Variants in ADAMTS18 observed in about 807,000 individuals in gnomAD.
ADAMTS18 encodes the protein ADAM metallopeptidase with thrombospondin type 1 motif 18.
ADAMTS18 carries 157 observed loss-of-function variants against 165.9 expected under a neutral mutation model. That is an observed-to-expected ratio of 0.95 (90% confidence interval 0.83 to 1.08). ADAMTS18 has a LOEUF of 1.08. ADAMTS18 is among the 50% of genes least tolerant of loss of function. ADAMTS18 has a pLI of 0.00. For missense variants in ADAMTS18, 2,040 were observed against 1,534.0 expected, an observed-to-expected ratio of 1.33 and a Z score of -5.51; for synonymous variants, 782 against 578.2, an observed-to-expected ratio of 1.35 and a Z score of -5.06.
At chr16:77,398,992 T>C (rs536853690) in intron 3 of ADAMTS18, among the ~76,000 whole-genome samples, 1 of 152,316 alleles carries the variant, frequency 6.6e-6, no homozygotes, top group Admixed American at 6.5e-5. Flanking sequence ...AGAACTGACA[T>C]GATCCTGTTC....
At chr16:77,411,733 C>G (rs960932531) in intron 3 of ADAMTS18, among the ~76,000 whole-genome samples, 1 of 123,194 alleles carries the variant, frequency 8.1e-6, no homozygotes, top group African/African-American at 3.1e-5. Context: ...GTCACCTGGG[C>G]TGGAGTGCAG....
At chr16:77,384,854 T>C (rs1201862257) in intron 3 of ADAMTS18, among the ~76,000 whole-genome samples, 2 of 152,102 alleles carry the variant, frequency 1.3e-5, no homozygotes, top group African/African-American at 4.8e-5. Context: ...ACATTTCATA[T>C]ATAGTTATCA....
intron 3 of ADAMTS18, among the ~76,000 whole-genome samples, chr16:77,409,805 G>A (rs2057437771): frequency 6.6e-6 from 1 of 151,940 alleles, no homozygotes; most frequent in Admixed American, 6.6e-5. Flanking sequence ...AATCTTTCTT[G>A]TGCTTTTGGA....
At chr16:77,298,829 G>A (rs1458473118) in intron 17 of ADAMTS18, among the ~76,000 whole-genome samples, 1 of 152,176 alleles carries the variant, frequency 6.6e-6, no homozygotes, top group Non-Finnish European at 1.5e-5. Context: ...AACATTCCTT[G>A]AAGTTAACCG....
At chr16:77,382,650 C>T (rs2057048721) in intron 3 of ADAMTS18, among the ~76,000 whole-genome samples, 1 of 152,224 alleles carries the variant, frequency 6.6e-6, no homozygotes, top group Admixed American at 6.5e-5. Flanking sequence ...TTCCTCCATG[C>T]TTATGAATGT....
In ADAMTS18 at chr16:77,293,125, C is replaced by T. The variant is rs139644893; in HGVS notation, c.3140G>A (p.Arg1047Gln). The stretch of plus-strand genomic sequence containing the variant: ...CTGTAGCCGGCTGTTCTTGGGGCAT[C>T]GTCCAAGCACACAGCCCTCCTGCAG... ...PELQEGCVLGRCPKNSRLQWV... is the reference protein window; with the variant it reads ...PELQEGCVLGQCPKNSRLQWV... The change falls in exon 20 of 23, where the codon CGA becomes CAA. Residue 1047 changes from arginine (R) to glutamine (Q), a missense_variant. Arg to Gln is a conservative substitution (Grantham distance 43). Transcript: ENST00000282849. The T allele has an allele frequency of 2.2e-5, 35 of 1,614,038 alleles. No individual in the cohort carries two copies. The East Asian group carries it at 5.8e-4, about 27-fold the overall frequency.
At chr16:77,423,219 T>C (rs968722434) in intron 3 of ADAMTS18, among the ~76,000 whole-genome samples, 1 of 152,226 alleles carries the variant, frequency 6.6e-6, no homozygotes, top group Non-Finnish European at 1.5e-5. Context: ...GTGTTTTAGC[T>C]GAATCTCTTC....
At chr16:77,396,447 A>G (rs2057257994) in intron 3 of ADAMTS18, among the ~76,000 whole-genome samples, 1 of 152,226 alleles carries the variant, frequency 6.6e-6, no homozygotes, top group South Asian at 2.1e-4. Context: ...ATTTCCAGAT[A>G]CCATATGGGT....
chr16:77,315,172 TATC>T (rs1199281346), intron 16 of ADAMTS18, among the ~76,000 whole-genome samples: 1 of 152,120 alleles, frequency 6.6e-6, no homozygotes, highest in African/African-American at 2.4e-5. Flanking sequence ...AAAATTTCTG[TATC>T]ATCTACTAAT....
intron 16 of ADAMTS18, among the ~76,000 whole-genome samples, chr16:77,316,453 A>G (rs2055888962): frequency 6.6e-6 from 1 of 151,590 alleles, no homozygotes. Flanking sequence ...ATGAGGTTTC[A>G]CCATATTGGC....
At chr16:77,338,183 C>T (rs571668245) in intron 11 of ADAMTS18, among the ~76,000 whole-genome samples, 246 of 152,204 alleles carry the variant, frequency 1.6e-3, no homozygotes, top group African/African-American at 5.1e-3. Flanking sequence ...GGATTATAGG[C>T]GTGAGCCACC....
At chr16:77,331,721 G>A (rs1245388977) in intron 12 of ADAMTS18, among the ~76,000 whole-genome samples, 1 of 152,128 alleles carries the variant, frequency 6.6e-6, no homozygotes, top group African/African-American at 2.4e-5. Context: ...GGGCAGGGAT[G>A]CTGCTAGACA....
chr16:77,370,810 T>C (rs76902768), intron 3 of ADAMTS18, among the ~76,000 whole-genome samples: 1 of 147,284 alleles, frequency 6.8e-6, no homozygotes, highest in Non-Finnish European at 1.5e-5. Flanking sequence ...TATATATACA[T>C]ATACACACAC....
intron 3 of ADAMTS18, among the ~76,000 whole-genome samples, chr16:77,378,572 A>T (rs1424323494): frequency 1.3e-5 from 2 of 151,770 alleles, no homozygotes; most frequent in African/African-American, 4.8e-5. Context: ...AAAATTACCC[A>T]AGCATGGCGG....
Position 77,399,928 on chromosome 16 carries a change from G to A in ADAMTS18, c.495+31367C>T, listed in dbSNP as rs905415204. On this transcript the variant is annotated intron_variant, in intron 3 of 22. Transcript: ENST00000282849. Reference sequence around the variant, plus strand: ...GTCTGTACAATCTGGAATCCTATAGGAGTCTATCTTTAGGAAGAGAGTGGC... The same window carrying A: ...GTCTGTACAATCTGGAATCCTATAGAAGTCTATCTTTAGGAAGAGAGTGGC... Among the ~76,000 whole-genome samples, 2 of 152,214 alleles carry A rather than the reference G, an allele frequency of 1.3e-5. 1 individual carries two copies. The highest frequency in any genetic ancestry group is 3.9e-4 in the East Asian group (2 of 5,180).
chr16:77,423,421 T>C (rs777784101), intron 3 of ADAMTS18, among the ~76,000 whole-genome samples: 1 of 152,156 alleles, frequency 6.6e-6, no homozygotes, highest in Non-Finnish European at 1.5e-5. Context: ...ATATTATTAC[T>C]ATGTGCCAGG....
chr16:77,428,250 C>T (rs966484663), intron 3 of ADAMTS18, among the ~76,000 whole-genome samples: 1 of 152,106 alleles, frequency 6.6e-6, no homozygotes, highest in African/African-American at 2.4e-5. Context: ...CATGTTAACT[C>T]GATGAGTCTC....
intron 3 of ADAMTS18, among the ~76,000 whole-genome samples, chr16:77,425,383 A>G (rs2057658586): frequency 6.6e-6 from 1 of 152,200 alleles, no homozygotes; most frequent in Non-Finnish European, 1.5e-5. Flanking sequence ...AGAGCATCAG[A>G]TGCAGTGCTA....
intron 12 of ADAMTS18, among the ~76,000 whole-genome samples, chr16:77,332,192 T>C (rs549568736): frequency 5.1e-4 from 78 of 152,320 alleles, no homozygotes; most frequent in Non-Finnish European, 9.0e-4. Context: ...CTTCAGAGTC[T>C]ATGTTCTCAT....
Sources: gnomAD v4.1 joint callset for allele counts (sites outside exome capture counted in the v4.1 genomes callset) on GRCh38, gnomAD v4.1.1 for gene constraint, MANE v1.5 for transcripts, NCBI Gene and HGNC (gene_info 2026-07-23, HGNC 2026-07-21) for gene names.